The following EXT1 variants were observed in gnomAD, a reference collection of about 807,000 sequenced individuals.
The protein encoded by EXT1 is exostosin glycosyltransferase 1.
A neutral mutation model predicts 82.5 loss-of-function variants in EXT1; 20 were observed. The observed-to-expected ratio is 0.24, with a 90% confidence interval of 0.17 to 0.35. The LOEUF is 0.35. Among genes scored for constraint, EXT1 ranks in the 10% least tolerant of loss-of-function variants. EXT1 has a pLI of 1.00. For synonymous variants in EXT1, 348 were observed against 350.8 expected, an observed-to-expected ratio of 0.99 and a Z score of 0.09; for missense variants, 757 against 936.5, an observed-to-expected ratio of 0.81 and a Z score of 2.50.
At chr8:118,028,522 T>C (rs560495876) in intron 1 of EXT1, among the ~76,000 whole-genome samples, 2 of 152,080 alleles carry the variant, frequency 1.3e-5, no homozygotes, top group Admixed American at 6.6e-5. Context: ...TATATAGATA[T>C]ACATATGACA....
At chr8:118,085,711 G>A (rs1389063726) in intron 1 of EXT1, among the ~76,000 whole-genome samples, 1 of 151,188 alleles carries the variant, frequency 6.6e-6, no homozygotes, top group Non-Finnish European at 1.5e-5. Context: ...TTACTCGTGT[G>A]TGTGACGGAG....
intron 1 of EXT1, among the ~76,000 whole-genome samples, chr8:118,099,571 G>GT (rs1817680548): frequency 6.6e-6 from 1 of 152,182 alleles, no homozygotes; most frequent in African/African-American, 2.4e-5. Context: ...CGGTGCTGTG[G>GT]TTAAGGACAC....
At position 117,827,784 on chromosome 8, in the gene EXT1, C is replaced by CAAAAAAAAAAAA. The variant is rs768731740; in HGVS notation, c.1284+2434_1284+2445dup. 7.6e-4 allele frequency among the ~76,000 whole-genome samples: 41 copies of CAAAAAAAAAAAA among 54,138 alleles called. 2 individuals carry two copies. Among genetic ancestry groups the CAAAAAAAAAAAA allele is most frequent in the African/African-American group, 3.0e-3 (38 of 12,556 alleles). 35.5% of individuals were successfully genotyped at this position (54,138 alleles called of 152,430 possible). ...TGGGGGACAGGGTGAGACTCTGTCT[C>CAAAAAAAAAAAA]AAAAAAAAAAAAAAAAAAAAAAAAA... is the stretch of plus-strand genomic sequence containing the variant. On this transcript the variant is annotated intron_variant, in intron 4 of 10. Coordinates refer to ENST00000378204, the MANE Select transcript of EXT1 (RefSeq NM_000127.3).
At chr8:117,812,725 C>A (rs958396488) in intron 8 of EXT1, 147 bp downstream of exon 8, 3 of 748,516 alleles carry the variant, frequency 4.0e-6, no homozygotes, top group Non-Finnish European at 6.9e-6. Flanking sequence ...TAACAGGAAT[C>A]GGGCTGATTA....
Position 117,807,342 on chromosome 8 carries a change from A to G in EXT1, c.1758T>C (p.Pro586=), listed in dbSNP as rs771063505. 4.3e-6 allele frequency: 7 copies of G among 1,614,098 alleles called. No individual in the cohort carries two copies. Among genetic ancestry groups the G allele is most frequent in the Non-Finnish European group, 4.2e-6 (5 of 1,180,044 alleles). ...DFAFTVWQSF[P]ERIVGYPARS... is the part of the protein sequence containing the mutation. ...GCGCGGGGTACCCCACAATCCTCTC[A>G]GGGAAGCTCTGCCACACTGTGAAGG... Residue 586 remains proline, a synonymous_variant, in exon 9 of 11, where the codon CCT becomes CCC. Transcript: ENST00000378204.
At chr8:117,948,607 A>G (rs1370842143) in intron 1 of EXT1, among the ~76,000 whole-genome samples, 1 of 152,210 alleles carries the variant, frequency 6.6e-6, no homozygotes, top group African/African-American at 2.4e-5. Flanking sequence ...TGTATAGGAA[A>G]TCCTCAATAC....
chr8:118,005,041 G>A (rs1815745835), intron 1 of EXT1, among the ~76,000 whole-genome samples: 1 of 152,114 alleles, frequency 6.6e-6, no homozygotes, highest in Admixed American at 6.5e-5. Context: ...TGGGGGTGAG[G>A]GAGACAAAGT....
chr8:117,803,344 C>T (rs969331270), intron 10 of EXT1, among the ~76,000 whole-genome samples: 4 of 151,916 alleles, frequency 2.6e-5, no homozygotes, highest in African/African-American at 7.3e-5. Flanking sequence ...TACAAGCGTG[C>T]ACCACTATGA....
intron 1 of EXT1, among the ~76,000 whole-genome samples, chr8:117,948,600 A>G (rs1814433729): frequency 6.6e-6 from 1 of 152,238 alleles, no homozygotes; most frequent in African/African-American, 2.4e-5. Flanking sequence ...TGAAATTTGT[A>G]TAGGAAATCC....
At chr8:117,995,771 G>T (rs971791260) in intron 1 of EXT1, among the ~76,000 whole-genome samples, 1 of 152,064 alleles carries the variant, frequency 6.6e-6, no homozygotes, top group Non-Finnish European at 1.5e-5. Context: ...GTATTATCAT[G>T]GCATATACCA....
At chr8:117,838,401 A>G (rs192776533) in intron 1 of EXT1, among the ~76,000 whole-genome samples, 34 of 152,306 alleles carry the variant, frequency 2.2e-4, no homozygotes, top group Non-Finnish European at 1.2e-4. Flanking sequence ...CAAACTAGGC[A>G]TACGGGAGTA....
chr8:117,896,041 T>G (rs780965381), intron 1 of EXT1, among the ~76,000 whole-genome samples: 23 of 152,196 alleles, frequency 1.5e-4, no homozygotes, highest in Admixed American at 2.6e-4. Flanking sequence ...GAGAAGGTCA[T>G]GCATGTATAT....
chr8:118,066,563 G>A (rs545546585), intron 1 of EXT1, among the ~76,000 whole-genome samples: 3 of 152,058 alleles, frequency 2.0e-5, no homozygotes, highest in Non-Finnish European at 4.4e-5. Context: ...GTTTCACCAT[G>A]TTGACCAGGC....
intron 1 of EXT1, among the ~76,000 whole-genome samples, chr8:118,035,131 A>G (rs746161864): frequency 6.6e-6 from 1 of 152,170 alleles, no homozygotes; most frequent in Non-Finnish European, 1.5e-5. Flanking sequence ...AGGAATAGAC[A>G]TTTTTTGAAT....
chr8:117,986,408 GT>G lies in EXT1; in HGVS notation c.962+123676del, dbSNP rs767261401. 7.9e-5 allele frequency among the ~76,000 whole-genome samples: 12 copies of G among 152,194 alleles called. No homozygotes were observed. The South Asian group carries it at 2.3e-3, about 29-fold the overall frequency. The stretch of plus-strand genomic sequence containing the variant: ...TTTTGACATGTTGACCAACTGAGGA[GT>G]TGTTCTCAAACTCCTAATCTTGAGT... On this transcript the variant is annotated intron_variant, in intron 1 of 10. Coordinates refer to ENST00000378204, the MANE Select transcript of EXT1 (RefSeq NM_000127.3).
In EXT1 at chr8:118,111,813, G is replaced by T. The variant is rs1290779197; in HGVS notation, c.-767C>A. On this transcript the variant is annotated 5_prime_UTR_variant, in exon 1 of 11. Coordinates refer to ENST00000378204, the MANE Select transcript of EXT1 (RefSeq NM_000127.3). Reference sequence around the variant, plus strand: ...GCGAACGCTGCCGACCGCCGCGTTCGGTCGCCGAATGTTACCCGGTTCTGA... The same window carrying T: ...GCGAACGCTGCCGACCGCCGCGTTCTGTCGCCGAATGTTACCCGGTTCTGA... 2 of 149,340 alleles carry T rather than the reference G, an allele frequency of 1.3e-5. No homozygotes were observed. The highest frequency in any genetic ancestry group is 2.4e-5 in the African/African-American group (1 of 41,116). 9.3% of individuals were successfully genotyped at this position (149,340 alleles called of 1,614,324 possible).
intron 1 of EXT1, among the ~76,000 whole-genome samples, chr8:118,019,860 T>A (rs187434203): frequency 6.6e-6 from 1 of 152,308 alleles, no homozygotes; most frequent in East Asian, 1.9e-4. Context: ...GAACACTGCC[T>A]TTCAATAAAT....
chr8:117,799,609 T>C lies in EXT1; in HGVS notation c.*103A>G, dbSNP rs1469699037. 6 of 1,382,158 alleles carry C rather than the reference T, an allele frequency of 4.3e-6. No homozygotes were observed. In the Admixed American group the frequency reaches 5.3e-5, roughly 12 times the overall value. The allele number at this position is 1,382,158 out of a possible 1,614,324, so 85.6% of individuals were successfully genotyped here. A position where few individuals can be genotyped will look rare whatever the true frequency, so the allele number is the denominator to read the frequency against. Reference sequence around the variant, plus strand: ...TCTGCTCATCTAAGTTTTTGGATAGTTGGCACAATCTGGCTCTGCTGATGA... The same window carrying C: ...TCTGCTCATCTAAGTTTTTGGATAGCTGGCACAATCTGGCTCTGCTGATGA... On this transcript the variant is annotated 3_prime_UTR_variant, in exon 11 of 11. Coordinates refer to ENST00000378204, the MANE Select transcript of EXT1 (RefSeq NM_000127.3).
At chr8:118,008,911 C>T (rs988553387) in intron 1 of EXT1, among the ~76,000 whole-genome samples, 1 of 152,080 alleles carries the variant, frequency 6.6e-6, no homozygotes, top group African/African-American at 2.4e-5. Context: ...CAGGTAAATC[C>T]TCAGCAAGTG....
Sources: allele counts gnomAD v4.1 joint callset (sites outside exome capture counted in the v4.1 genomes callset), GRCh38; gene constraint gnomAD v4.1.1; transcripts MANE v1.5; gene names NCBI Gene and HGNC (gene_info 2026-07-23, HGNC 2026-07-21).